The following CACNG6 variants were observed in gnomAD, a reference collection of about 807,000 sequenced individuals.
CACNG6 encodes the protein calcium voltage-gated channel auxiliary subunit gamma 6, also known as voltage-dependent calcium channel gamma-6 subunit.
CACNG6 carries 21 observed loss-of-function variants against 23.9 expected under a neutral mutation model. The ratio of observed to expected loss-of-function variants is 0.88; its 90% CI spans 0.62 to 1.26. The LOEUF (loss-of-function observed/expected upper bound fraction) is 1.26, where lower values mean the gene tolerates loss of function less well. CACNG6 is among the 50% of genes most tolerant of loss of function. CACNG6 has a pLI of 0.00. For missense variants in CACNG6, 340 were observed against 352.9 expected (o/e 0.96, Z 0.29); for synonymous variants, 182 against 168.9 (o/e 1.08, Z -0.60).
rs971738195 is a variant in CACNG6 at position 53,993,091 on chromosome 19, G to A, written c.214G>A (p.Gly72Ser). 7.8e-6 allele frequency: 12 copies of A among 1,545,600 alleles called. No individual in the cohort carries two copies. The highest frequency in any genetic ancestry group is 1.7e-4 in the Middle Eastern group (1 of 5,946). Residue 72 changes from glycine (G) to serine (S), a missense_variant, in exon 1 of 4, where the codon GGC becomes AGC. Physicochemically the swap from Gly to Ser is moderately conservative, Grantham distance 56 (BLOSUM62 0). Coordinates refer to ENST00000252729, the MANE Select transcript of CACNG6 (RefSeq NM_145814.2). ...GGAGCTCAACACCTACAAGGCCAAC[G>A]GCAGCGCCGTGTGCGAAGCGGCCCA... ...WVELNTYKAN[G>S]SAVCEAAHLG...
chr19:54,010,665 T>C (rs2069696074), intron 3 of CACNG6, among the ~76,000 whole-genome samples: 2 of 151,974 alleles, frequency 1.3e-5, no homozygotes, highest in African/African-American at 2.4e-5. Flanking sequence ...GCCTCATCCT[T>C]CTGGGCTCAA....
At chr19:53,994,345 G>C (rs1048070701) in intron 1 of CACNG6, among the ~76,000 whole-genome samples, 1 of 152,074 alleles carries the variant, frequency 6.6e-6, no homozygotes, top group Non-Finnish European at 1.5e-5. Flanking sequence ...ACATTTCAGC[G>C]TTTCTCATTT....
At chr19:53,999,897 G>C (rs763367391) in intron 3 of CACNG6, 126 bp downstream of exon 3, 75 of 1,200,324 alleles carry the variant, frequency 6.2e-5, no homozygotes, top group Non-Finnish European at 8.5e-5. Context: ...TCTATGCACT[G>C]TTGCATGCTG....
intron 3 of CACNG6, among the ~76,000 whole-genome samples, chr19:54,011,175 A>C (rs1429019024): frequency 1.6e-5 from 2 of 126,884 alleles, no homozygotes; most frequent in Non-Finnish European, 3.2e-5. Context: ...CAACATGGTG[A>C]AACCCCGTCT....
intron 2 of CACNG6, 80 bp from the exon 3 acceptor site, chr19:53,999,554 G>A (rs897411426): frequency 7.4e-6 from 11 of 1,495,424 alleles, no homozygotes; most frequent in Non-Finnish European, 9.9e-6. Context: ...ACATCTTCCT[G>A]GTTCTGGGTT....
At chr19:53,996,863 ATTTTTTTTTTT>A (rs35192974) in intron 1 of CACNG6, among the ~76,000 whole-genome samples, 1 of 98,570 alleles carries the variant, frequency 1.0e-5, no homozygotes, top group African/African-American at 4.4e-5. Flanking sequence ...GATCTTTGGG[ATTTTTTTTTTT>A]TTTTTTTTTT....
chr19:53,996,399 CTT>C (rs36057809), intron 1 of CACNG6, among the ~76,000 whole-genome samples: 9 of 146,692 alleles, frequency 6.1e-5, no homozygotes, highest in Admixed American at 4.8e-4. Context: ...CTCTCTCTCT[CTT>C]TTTTTTTTTG....
intron 2 of CACNG6, among the ~76,000 whole-genome samples, chr19:53,998,563 G>A (rs150521404): frequency 1.8e-3 from 273 of 148,686 alleles, no homozygotes; most frequent in Non-Finnish European, 3.2e-3. Context: ...CCAGGCTGGA[G>A]TGCAGTGGCA....
At chr19:54,011,362 C>T (rs1394278926) in intron 3 of CACNG6, among the ~76,000 whole-genome samples, 1 of 139,054 alleles carries the variant, frequency 7.2e-6, no homozygotes, top group Admixed American at 7.7e-5. Context: ...AATCAGGAGG[C>T]GGAGTTTGCA....
At chr19:54,001,346 G>A (rs1317841610) in intron 3 of CACNG6, among the ~76,000 whole-genome samples, 1 of 151,832 alleles carries the variant, frequency 6.6e-6, no homozygotes, top group Non-Finnish European at 1.5e-5. Context: ...GTGCCACCAC[G>A]CCTGGCTAAT....
Position 53,993,087 on chromosome 19 carries a change from C to T in CACNG6, c.210C>T (p.Ala70=). The part of the protein sequence containing the change: ...EFWVELNTYK[A]NGSAVCEAAH... The stretch of plus-strand genomic sequence containing the variant: ...GGGTGGAGCTCAACACCTACAAGGC[C>T]AACGGCAGCGCCGTGTGCGAAGCGG... Residue 70 remains alanine, a synonymous_variant, in exon 1 of 4, where the codon GCC becomes GCT. Transcript: ENST00000252729. 1 of 1,544,010 alleles carries T rather than the reference C, an allele frequency of 6.5e-7. No homozygotes were observed. The highest frequency in any genetic ancestry group is 8.7e-7 in the Non-Finnish European group (1 of 1,144,080).
intron 3 of CACNG6, among the ~76,000 whole-genome samples, chr19:54,011,744 CTA>C (rs1293161636): frequency 8.8e-5 from 13 of 148,372 alleles, no homozygotes; most frequent in African/African-American, 3.2e-4. Flanking sequence ...CTTTCTGTCT[CTA>C]TGACTTTGTG....
chr19:54,012,024 G>A lies in CACNG6; in HGVS notation c.618G>A (p.Glu206=). The A allele has an allele frequency of 6.2e-7, 1 of 1,605,920 alleles. No homozygotes were observed. The highest frequency in any genetic ancestry group is 8.5e-7 in the Non-Finnish European group (1 of 1,176,734). Residue 206 remains glutamate, a synonymous_variant, in exon 4 of 4, where the codon GAG becomes GAA. Transcript: ENST00000252729. ...CCCTGCTGCAGAGAGTCAGCCCGGA[G>A]CCTCCCCCGGCCCCACGCCTCACCT... ...VRALLQRVSP[E]PPPAPRLTYE...
chr19:53,992,628 C>T lies in CACNG6; in HGVS notation c.-250C>T, dbSNP rs1348095722. ...GTCTTCTTTGCCAAGTTCTTGAGGG[C>T]AACCTAGACCCTCCTCTGAACCCCA... On this transcript the variant is annotated 5_prime_UTR_variant, in exon 1 of 4. Transcript: ENST00000252729. This position sits in a 1 kb window ranked among gnomAD's most constrained non-coding sequence, Gnocchi z 4.1. 1 of 327,668 alleles carries T rather than the reference C, an allele frequency of 3.1e-6. No homozygotes were observed. Among genetic ancestry groups the T allele is most frequent in the Non-Finnish European group, 5.5e-6 (1 of 180,932 alleles). The allele number at this position is 327,668 out of a possible 1,614,324, so 20.3% of individuals were successfully genotyped here. A position where few individuals can be genotyped will look rare whatever the true frequency, so the allele number is the denominator to read the frequency against.
At position 53,995,706 on chromosome 19, in the gene CACNG6, G is replaced by A. The variant is rs143942669; in HGVS notation, c.331+2498G>A. Among the ~76,000 whole-genome samples the A allele has an allele frequency of 5.8e-3, 882 of 152,320 alleles. 8 individuals are homozygous for A. The highest frequency in any genetic ancestry group is 0.02 in the African/African-American group (846 of 41,576). Reference sequence around the variant, plus strand: ...AATGGAGTTTTGCTCTTGTTGCCCCGGCTGGAGTGCAATGGCACGATCTCG... The same window carrying A: ...AATGGAGTTTTGCTCTTGTTGCCCCAGCTGGAGTGCAATGGCACGATCTCG... On this transcript the variant is annotated intron_variant, in intron 1 of 3. Transcript: ENST00000252729.
rs1387308949 is a variant in CACNG6 at position 53,992,105 on chromosome 19, A to G, written c.-773A>G. On this transcript the variant is annotated 5_prime_UTR_variant, in exon 1 of 4. Coordinates refer to ENST00000252729, the MANE Select transcript of CACNG6 (RefSeq NM_145814.2). The surrounding 1 kb of genome is among the most constrained non-coding windows in gnomAD (Gnocchi z 4.1). ...TTTCTGAATGGCAGGGGAGACCCCT[A>G]TCCCCTTTTCCTGAATTCCAGCGAG... is the stretch of plus-strand genomic sequence containing the variant. Among the ~76,000 whole-genome samples the G allele has an allele frequency of 1.3e-5, 2 of 152,244 alleles. No homozygotes were observed. Among genetic ancestry groups the G allele is most frequent in the Middle Eastern group, 3.4e-3 (1 of 294 alleles).
At position 53,991,682 on chromosome 19, in the gene CACNG6, G is replaced by A. The variant is rs2069460979; in HGVS notation, c.-1196G>A. ...CACAGCCGGACGCTTCGGAGGCAGC[G>A]CGGAGCTGGGGTCGGCGCGGGGCCG... On this transcript the variant is annotated 5_prime_UTR_variant, in exon 1 of 4. Transcript: ENST00000252729. Among the ~76,000 whole-genome samples the A allele has an allele frequency of 6.6e-6, 1 of 152,032 alleles. No homozygotes were observed. The highest frequency in any genetic ancestry group is 1.5e-5 in the Non-Finnish European group (1 of 67,962).
intron 1 of CACNG6, among the ~76,000 whole-genome samples, chr19:53,995,022 G>A (rs925489597): frequency 2.6e-5 from 4 of 151,854 alleles, no homozygotes; most frequent in African/African-American, 4.8e-5. Flanking sequence ...CCTATGAGTC[G>A]TTATTATCAC....
chr19:54,004,464 C>A (rs1000535634), intron 3 of CACNG6, among the ~76,000 whole-genome samples: 4 of 151,028 alleles, frequency 2.6e-5, no homozygotes, highest in Admixed American at 2.6e-4. Flanking sequence ...GTGATCTGCC[C>A]GCCTCAGCCT....
Sources: allele counts gnomAD v4.1 joint callset (sites outside exome capture counted in the v4.1 genomes callset), GRCh38; gene constraint gnomAD v4.1.1; non-coding constraint Gnocchi (gnomAD v3.1); transcripts MANE v1.5; gene names NCBI Gene and HGNC (gene_info 2026-07-23, HGNC 2026-07-21).